Variants in MAOB observed in about 807,000 individuals in gnomAD.
MAOB encodes the protein amine oxidase [flavin-containing] B.
MAOB carries 15 observed loss-of-function variants against 41.9 expected under a neutral mutation model. The observed-to-expected ratio is 0.36, with a 90% confidence interval of 0.24 to 0.55. The LOEUF is 0.55. MAOB is among the 20% of genes least tolerant of loss of function. The pLI, the probability that MAOB is intolerant of heterozygous loss-of-function variation, is 0.86. For missense variants in MAOB, 345 were observed against 398.7 expected, an observed-to-expected ratio of 0.87 and a Z score of 1.15; for synonymous variants, 167 against 144.2, an observed-to-expected ratio of 1.16 and a Z score of -1.13.
At chrX:43,774,787 A>G (rs2034231058) in intron 12 of MAOB, among the ~76,000 whole-genome samples, 1 of 111,298 alleles carries the variant, frequency 9.0e-6, no homozygotes, top group South Asian at 3.7e-4. Flanking sequence ...CTAAAATGCT[A>G]CTCTTTTTTG....
chrX:43,844,323 T>C (rs2035175038), intron 1 of MAOB: 1 of 112,174 alleles, frequency 8.9e-6, no homozygotes, highest in South Asian at 3.7e-4. Context: ...AATAATTCCA[T>C]TCATGACTAA....
intron 7 of MAOB, among the ~76,000 whole-genome samples, chrX:43,794,049 G>A (rs1407625871): frequency 1.8e-5 from 2 of 111,446 alleles, no homozygotes; most frequent in Non-Finnish European, 1.9e-5. Context: ...GCTAATTTTT[G>A]TATTTTTAGT....
At chrX:43,785,075 G>C (rs774839723) in intron 8 of MAOB, among the ~76,000 whole-genome samples, 8 of 112,870 alleles carry the variant, frequency 7.1e-5, no homozygotes, top group Admixed American at 2.8e-4. Context: ...TTGAACCAGG[G>C]AGCCGGAAGT....
intron 1 of MAOB, among the ~76,000 whole-genome samples, chrX:43,878,891 C>T (rs1052033344): frequency 1.6e-4 from 18 of 112,189 alleles, no homozygotes; most frequent in African/African-American, 5.8e-4. Flanking sequence ...TTCCAGGGAT[C>T]TCAAACAAGT....
chrX:43,876,937 A>T (rs952972204), intron 1 of MAOB, among the ~76,000 whole-genome samples: 1 of 112,075 alleles, frequency 8.9e-6, no homozygotes, highest in East Asian at 2.8e-4. Flanking sequence ...GCACACTGGC[A>T]CTTCAGACCA....
rs2035101907 is a variant in MAOB at position 43,838,997 on chromosome X, C to G, written c.150G>C (p.Lys50Asn). 1.7e-6 allele frequency: 2 copies of G among 1,161,902 alleles called. No homozygotes were observed. The highest frequency in any genetic ancestry group is 1.1e-6 in the Non-Finnish European group (1 of 871,704). Reference sequence around the variant, plus strand: ...ATCCTCCAAGGTCCACATATTTAACCTTTTGGTTCTGTTTTCCCATAGGAA... The same window carrying G: ...ATCCTCCAAGGTCCACATATTTAACGTTTTGGTTCTGTTTTCCCATAGGAA... ...GGRTYTLRNQ[K>N]VKYVDLGGSY... Residue 50 changes from lysine (K) to asparagine (N), a missense_variant, in exon 3 of 15, where the codon AAG becomes AAC. Coordinates refer to ENST00000378069, the MANE Select transcript of MAOB (RefSeq NM_000898.5).
chrX:43,857,326 A>T (rs1264235841), intron 1 of MAOB, among the ~76,000 whole-genome samples: 3 of 106,180 alleles, frequency 2.8e-5, no homozygotes, highest in Non-Finnish European at 5.8e-5. Flanking sequence ...AATTACCGGC[A>T]TGCACCACCA....
At chrX:43,802,816 A>G (rs772619022) in intron 4 of MAOB, among the ~76,000 whole-genome samples, 1 of 110,542 alleles carries the variant, frequency 9.0e-6, no homozygotes, top group Non-Finnish European at 1.9e-5. Context: ...CATTAGGACA[A>G]ATACCTAATG....
chrX:43,771,509 T>C (rs2034183567), intron 12 of MAOB, among the ~76,000 whole-genome samples: 1 of 111,589 alleles, frequency 9.0e-6, no homozygotes, highest in Non-Finnish European at 1.9e-5. Flanking sequence ...ATTAGTATAT[T>C]GATGACAACA....
At chrX:43,857,112 TATATAGAGAGAGAGAGAGAGAGAG>T (rs1466332253) in intron 1 of MAOB, among the ~76,000 whole-genome samples, 238 of 14,951 alleles carry the variant, frequency 0.016, 2 homozygotes, top group Middle Eastern at 0.037. Flanking sequence ...TATATATATA[TATATAGAGAGAGAGAGAGAGAGAG>T]AGAGAGAGAG....
intron 8 of MAOB, among the ~76,000 whole-genome samples, chrX:43,784,576 T>C (rs1316287057): frequency 8.9e-6 from 1 of 112,265 alleles, no homozygotes; most frequent in Non-Finnish European, 1.9e-5. Flanking sequence ...AACCATGCTA[T>C]AAATAAATAG....
intron 8 of MAOB, among the ~76,000 whole-genome samples, chrX:43,792,970 T>C (rs1299282487): frequency 8.9e-6 from 1 of 112,026 alleles, no homozygotes; most frequent in African/African-American, 3.2e-5. Flanking sequence ...AAATGTGGTA[T>C]GTATATAGCA....
intron 8 of MAOB, among the ~76,000 whole-genome samples, chrX:43,789,951 A>G (rs1009925594): frequency 6.3e-5 from 7 of 111,920 alleles, no homozygotes; most frequent in Middle Eastern, 4.7e-3. Context: ...TGTGGAGGGG[A>G]GAAGCAATCA....
In MAOB at chrX:43,780,391, T is replaced by C. The variant is rs748144817; in HGVS notation, c.1030A>G (p.Ile344Val). 4 of 1,195,648 alleles carry C rather than the reference T, an allele frequency of 3.3e-6. No individual in the cohort carries two copies. In the Admixed American group the frequency reaches 6.5e-5, roughly 20 times the overall value. The change falls in exon 10 of 15, where the codon ATC becomes GTC. Residue 344 changes from isoleucine (I) to valine (V), a missense_variant. Ile to Val is a conservative substitution (Grantham distance 29). Transcript: ENST00000378069. The part of the protein sequence containing the change: ...EGNYAAIMGF[I>V]LAHKARKLAR... ...AGTTTTCTGGCTTTGTGGGCCAGGA[T>C]AAATCTAAAGAATATAAACAAGAAA...
intron 3 of MAOB, among the ~76,000 whole-genome samples, chrX:43,811,374 T>C (rs1394577331): frequency 9.0e-6 from 1 of 111,253 alleles, no homozygotes; most frequent in Non-Finnish European, 1.9e-5. Context: ...GAGTGACCTT[T>C]TTCTCTCAGA....
In MAOB at chrX:43,775,234, C is replaced by G. The variant is rs1280145389; in HGVS notation, c.1176G>C (p.Gln392His). The G allele has an allele frequency of 8.3e-7, 1 of 1,207,074 alleles. No homozygotes were observed. Among genetic ancestry groups the G allele is most frequent in the Non-Finnish European group, 1.1e-6 (1 of 893,738 alleles). ...HYEEKNWCEE[Q>H]YSGGCYTTYF... The stretch of plus-strand genomic sequence containing the variant: ...AAGTTGTGTAGCAGCCCCCAGAGTA[C>G]TGCTCCTCACACCAGTTCTTTTCTT... Residue 392 changes from glutamine to histidine, a missense_variant, in exon 12 of 15, where the codon CAG becomes CAC. By Grantham distance (24) the Gln-to-His change is conservative. Coordinates refer to ENST00000378069, the MANE Select transcript of MAOB (RefSeq NM_000898.5).
chrX:43,882,091 G>T (rs958196828), intron 1 of MAOB, among the ~76,000 whole-genome samples, 163 bp downstream of exon 1: 1 of 112,114 alleles, frequency 8.9e-6, no homozygotes, highest in Non-Finnish European at 1.9e-5. Context: ...CCAAAGGAGG[G>T]TTCAGTGCAC....
chrX:43,862,304 T>C (rs2035337906), intron 1 of MAOB, among the ~76,000 whole-genome samples: 1 of 112,013 alleles, frequency 8.9e-6, no homozygotes, highest in African/African-American at 3.2e-5. Flanking sequence ...GTTCTCCATG[T>C]AAATTCTTAG....
chrX:43,771,154 G>A (rs1184136114), intron 12 of MAOB, among the ~76,000 whole-genome samples: 2 of 111,583 alleles, frequency 1.8e-5, no homozygotes, highest in Non-Finnish European at 3.8e-5. Flanking sequence ...GAATACAGAT[G>A]GTCTCCAACG....
Sources: gnomAD v4.1 joint callset for allele counts (sites outside exome capture counted in the v4.1 genomes callset) on GRCh38, gnomAD v4.1.1 for gene constraint, MANE v1.5 for transcripts, NCBI Gene and HGNC (gene_info 2026-07-23, HGNC 2026-07-21) for gene names.